The following C5orf34 variants were observed in gnomAD, a reference collection of about 807,000 sequenced individuals.
C5orf34 encodes the protein chromosome 5 open reading frame 34, also known as uncharacterized protein C5orf34.
In C5orf34, 73 loss-of-function variants were observed where a neutral mutation model predicts 78.4. The observed-to-expected ratio is 0.93, with a 90% CI of 0.77 to 1.13. C5orf34 has a LOEUF of 1.13. Among genes scored for constraint, C5orf34 ranks in the 50% most tolerant of loss-of-function variants. The pLI is 0.00. For synonymous variants in C5orf34, 251 were observed against 246.6 expected, an observed-to-expected ratio of 1.02 and a Z score of -0.17; for missense variants, 730 against 732.7, an observed-to-expected ratio of 1.00 and a Z score of 0.04.
At chr5:43,514,585 A>G (rs567128250) in intron 1 of C5orf34, among the ~76,000 whole-genome samples, 3 of 152,272 alleles carry the variant, frequency 2.0e-5, no homozygotes, top group Non-Finnish European at 4.4e-5. Context: ...ACCATAGGAA[A>G]CCATAACCCG....
chr5:43,498,543 C>T (rs1165198748), intron 6 of C5orf34, among the ~76,000 whole-genome samples: 3 of 152,194 alleles, frequency 2.0e-5, no homozygotes, highest in Admixed American at 1.3e-4. Flanking sequence ...CAGTACCGGG[C>T]ACCACCATTC....
Position 43,487,015 on chromosome 5 carries a change from A to C in C5orf34, c.1817T>G (p.Leu606Trp), listed in dbSNP as rs1185558122. 6.3e-7 allele frequency: 1 copy of C among 1,589,750 alleles called. No individual in the cohort carries two copies. Among genetic ancestry groups the C allele is most frequent in the Non-Finnish European group, 8.6e-7 (1 of 1,167,120 alleles). ...DHYKPGSSETLLGEVNENRVS... is the reference protein window; with the variant it reads ...DHYKPGSSETWLGEVNENRVS... Reference sequence around the variant, plus strand: ...TCTATTTTCATTAACTTCTCCTAGCAAGGTTTCTGAAGATCCTGGTTTATA... The same window carrying C: ...TCTATTTTCATTAACTTCTCCTAGCCAGGTTTCTGAAGATCCTGGTTTATA... The change falls in exon 13 of 13, where the codon TTG becomes TGG. Residue 606 changes from leucine to tryptophan, a missense_variant. Transcript: ENST00000306862.
chr5:43,503,760 C>G lies in C5orf34; in HGVS notation c.933G>C (p.Arg311Ser), dbSNP rs751541270. 35 of 1,598,252 alleles carry G rather than the reference C, an allele frequency of 2.2e-5. No homozygotes were observed. Among genetic ancestry groups the G allele is most frequent in the Non-Finnish European group, 3.0e-5 (35 of 1,165,886 alleles). ...GTAAAAGTGAATCACAAAAATTCCA[C>G]CTGTGAAGGATAAAATACAAGCTAT... ...SLSCPVPHLH[R>S]WNFCDSLLQR... The change falls in exon 5 of 13, where the codon AGG (arginine) becomes AGC (serine). Residue 311 changes from arginine to serine, a missense_variant and splice_region_variant. Arg to Ser is a moderately radical substitution (Grantham distance 110). Transcript: ENST00000306862.
chr5:43,508,770 C>T, intron 2 of C5orf34, 104 bp from the exon 3 acceptor site: 26 of 762,130 alleles, frequency 3.4e-5, no homozygotes, highest in Non-Finnish European at 4.4e-6. Context: ...TTTTCATATT[C>T]TAGCCACGTC....
At chr5:43,505,548 C>T in intron 4 of C5orf34, 200 bp downstream of exon 4, 2 of 526,012 alleles carry the variant, frequency 3.8e-6, no homozygotes, top group East Asian at 3.0e-5. Flanking sequence ...GTAGAGTCAG[C>T]CTTCTACATT....
chr5:43,509,131 A>T lies in C5orf34; in HGVS notation c.195+14T>A. ...AAAAAACAAAAAAGTTGTTTACGTG[A>T]TATCTTTACTTACTCTGTAAGTGCT... On this transcript the variant is annotated intron_variant, in intron 2 of 12. Transcript: ENST00000306862. The T allele has an allele frequency of 6.2e-7, 1 of 1,602,198 alleles. No homozygotes were observed. Among genetic ancestry groups the T allele is most frequent in the East Asian group, 2.2e-5 (1 of 44,692 alleles).
intron 10 of C5orf34, 37 bp from the exon 11 acceptor site, chr5:43,490,766 G>T: frequency 9.9e-7 from 1 of 1,007,558 alleles, no homozygotes; most frequent in South Asian, 1.6e-5. Context: ...CTTGAAAAAT[G>T]AACTTGAATA....
Position 43,492,753 on chromosome 5 carries a change from A to G in C5orf34, c.1452T>C (p.Asn484=), listed in dbSNP as rs781084816. ...TCTCAATAGGAGAGCTGAAATTCCA[A>G]TTTAGGGTTAGAGTAATGCCATCTA... ...IFLDGITLTL[N]WNFSSPIEKR... The change falls in exon 9 of 13, where the codon AAT becomes AAC. Residue 484 remains asparagine, a synonymous_variant. Transcript: ENST00000306862. The G allele has an allele frequency of 2.5e-6, 4 of 1,612,770 alleles. No individual in the cohort carries two copies. The highest frequency in any genetic ancestry group is 1.1e-5 in the South Asian group (1 of 90,944).
intron 3 of C5orf34, 120 bp from the exon 4 acceptor site, chr5:43,506,514 C>A: frequency 2.0e-6 from 2 of 991,614 alleles, no homozygotes; most frequent in Non-Finnish European, 2.8e-6. Context: ...TTACTATCTA[C>A]AGAGAATGAA....
chr5:43,513,551 G>A (rs986661390), intron 1 of C5orf34, among the ~76,000 whole-genome samples: 3 of 152,126 alleles, frequency 2.0e-5, no homozygotes, highest in East Asian at 1.9e-4. Context: ...CTAAACTATG[G>A]CCTACAAAGG....
chr5:43,496,353 G>A (rs1475917732), intron 6 of C5orf34: 18 of 1,589,982 alleles, frequency 1.1e-5, no homozygotes, highest in Middle Eastern at 1.7e-4. Flanking sequence ...TTCTTTTGTC[G>A]ATGCCACCAC....
At chr5:43,514,026 A>G (rs1746381773) in intron 1 of C5orf34, among the ~76,000 whole-genome samples, 1 of 152,260 alleles carries the variant, frequency 6.6e-6, no homozygotes, top group South Asian at 2.1e-4. Flanking sequence ...TTGAATGATG[A>G]AAAATAAGTA....
intron 8 of C5orf34, among the ~76,000 whole-genome samples, chr5:43,493,256 A>T (rs1231418071): frequency 6.6e-6 from 1 of 152,098 alleles, no homozygotes; most frequent in East Asian, 1.9e-4. Flanking sequence ...AGAACACTAT[A>T]ATATCATGGT....
At chr5:43,496,977 G>A (rs908568837) in intron 6 of C5orf34, among the ~76,000 whole-genome samples, 2 of 152,036 alleles carry the variant, frequency 1.3e-5, no homozygotes, top group African/African-American at 4.8e-5. Context: ...AATTTATCAT[G>A]AGCCACCCCT....
chr5:43,488,149 G>T, intron 11 of C5orf34, 200 bp from the exon 12 acceptor site: 1 of 560,194 alleles, frequency 1.8e-6, no homozygotes, highest in Non-Finnish European at 3.2e-6. Context: ...AAAGGTAAGT[G>T]AATAAAAGTC....
At chr5:43,492,630 T>C (rs1745328077) in intron 9 of C5orf34, 90 bp downstream of exon 9, 2 of 1,116,276 alleles carry the variant, frequency 1.8e-6, no homozygotes, top group Non-Finnish European at 2.6e-6. Flanking sequence ...CTTCAAAAAA[T>C]GAACTGAAAT....
At chr5:43,513,377 G>C (rs991676142) in intron 1 of C5orf34, among the ~76,000 whole-genome samples, 3 of 152,100 alleles carry the variant, frequency 2.0e-5, no homozygotes, top group African/African-American at 2.4e-5. Flanking sequence ...CCAAAAGCAG[G>C]CTTCTGTAAT....
chr5:43,496,196 C>T (rs915052082), intron 6 of C5orf34: 9 of 1,555,280 alleles, frequency 5.8e-6, no homozygotes, highest in African/African-American at 5.4e-5. Context: ...ATGATAGTCA[C>T]ATAGTACTTG....
intron 11 of C5orf34, among the ~76,000 whole-genome samples, chr5:43,489,790 CTA>C (rs1222086409): frequency 6.6e-6 from 1 of 152,112 alleles, no homozygotes; most frequent in African/African-American, 2.4e-5. Flanking sequence ...TTTCACTACA[CTA>C]TGTTAGGTCA....
Sources: allele counts gnomAD v4.1 joint callset (sites outside exome capture counted in the v4.1 genomes callset), GRCh38; gene constraint gnomAD v4.1.1; transcripts MANE v1.5; gene names NCBI Gene and HGNC (gene_info 2026-07-23, HGNC 2026-07-21).